The following KCNQ5 variants were observed in gnomAD, a reference collection of about 807,000 sequenced individuals.
The protein encoded by KCNQ5 is potassium voltage-gated channel subfamily KQT member 5.
KCNQ5 carries 30 observed loss-of-function variants against 98.2 expected under a neutral mutation model. The observed-to-expected ratio is 0.31, with a 90% CI of 0.23 to 0.41. KCNQ5 has a LOEUF of 0.41. KCNQ5 is among the 10% of genes least tolerant of loss of function. The pLI is 1.00. For synonymous variants in KCNQ5, 458 were observed against 449.4 expected, an observed-to-expected ratio of 1.02 and a Z score of -0.24; for missense variants, 835 against 1,182.5, an observed-to-expected ratio of 0.71 and a Z score of 4.31.
intron 1 of KCNQ5, among the ~76,000 whole-genome samples, chr6:72,675,034 T>G (rs1767338056): frequency 6.6e-6 from 1 of 152,224 alleles, no homozygotes; most frequent in African/African-American, 2.4e-5. Flanking sequence ...CACTTTAGAT[T>G]TTTCATTACG....
chr6:72,975,588 A>G (rs562754716), intron 1 of KCNQ5, among the ~76,000 whole-genome samples: 1 of 152,154 alleles, frequency 6.6e-6, no homozygotes, highest in Non-Finnish European at 1.5e-5. Context: ...TAGTAGTTTC[A>G]GAGTTTATGG....
intron 1 of KCNQ5, among the ~76,000 whole-genome samples, chr6:72,861,999 C>T (rs1170843232): frequency 6.6e-6 from 1 of 152,132 alleles, no homozygotes; most frequent in East Asian, 1.9e-4. Context: ...CATGACTTCC[C>T]GGCCCTACTA....
intron 10 of KCNQ5, chr6:73,157,868 C>G (rs1777430450): frequency 1.3e-6 from 1 of 778,924 alleles, no homozygotes; most frequent in Non-Finnish European, 2.4e-6. Flanking sequence ...TTTTCGGGAT[C>G]TAAGCGAATA....
intron 1 of KCNQ5, among the ~76,000 whole-genome samples, chr6:72,979,344 C>G (rs1408055916): frequency 6.6e-6 from 1 of 152,208 alleles, no homozygotes; most frequent in Non-Finnish European, 1.5e-5. Context: ...CTGTTCTTTC[C>G]TGACTTTTTA....
intron 1 of KCNQ5, among the ~76,000 whole-genome samples, chr6:72,638,470 G>A (rs1417601997): frequency 1.3e-5 from 2 of 152,124 alleles, no homozygotes; most frequent in Non-Finnish European, 2.9e-5. Context: ...TATAGATGGC[G>A]CTAAGTGAGG....
At chr6:72,980,221 C>G in intron 1 of KCNQ5, among the ~76,000 whole-genome samples, 1 of 152,204 alleles carries the variant, frequency 6.6e-6, no homozygotes, top group Non-Finnish European at 1.5e-5. Flanking sequence ...AAGAAAGTCA[C>G]TGGTAGCTTA....
At chr6:72,841,163 C>T (rs999396083) in intron 1 of KCNQ5, among the ~76,000 whole-genome samples, 3 of 152,150 alleles carry the variant, frequency 2.0e-5, no homozygotes, top group African/African-American at 7.2e-5. Flanking sequence ...TCATAGTCTC[C>T]CTTTCTAACC....
intron 1 of KCNQ5, among the ~76,000 whole-genome samples, chr6:72,821,825 C>G (rs972840145): frequency 6.6e-6 from 1 of 152,026 alleles, no homozygotes; most frequent in African/African-American, 2.4e-5. Flanking sequence ...GTCTTAGTGT[C>G]ATTGCCAAAG....
chr6:73,144,105 G>C (rs1261588145), intron 10 of KCNQ5, among the ~76,000 whole-genome samples: 1 of 152,058 alleles, frequency 6.6e-6, no homozygotes, highest in South Asian at 2.1e-4. Context: ...GGTAAAGAAG[G>C]GGGGAAACAA....
intron 1 of KCNQ5, among the ~76,000 whole-genome samples, chr6:72,815,221 C>T (rs1775448846): frequency 6.6e-6 from 1 of 152,258 alleles, no homozygotes; most frequent in Middle Eastern, 3.4e-3. Context: ...AACCTCAGAA[C>T]CTAACACACG....
intron 1 of KCNQ5, among the ~76,000 whole-genome samples, chr6:73,003,257 A>G (rs1769669388): frequency 6.6e-6 from 1 of 152,190 alleles, no homozygotes; most frequent in Non-Finnish European, 1.5e-5. Flanking sequence ...ATCCTTATAT[A>G]TGAATAGACA....
intron 1 of KCNQ5, among the ~76,000 whole-genome samples, chr6:72,643,265 A>G (rs995185128): frequency 1.3e-5 from 2 of 152,158 alleles, no homozygotes; most frequent in Non-Finnish European, 2.9e-5. Flanking sequence ...CTTAAAAGTT[A>G]TTTTAAAAAA....
intron 1 of KCNQ5, among the ~76,000 whole-genome samples, chr6:72,759,977 A>T (rs953090556): frequency 6.6e-6 from 1 of 152,130 alleles, no homozygotes; most frequent in Non-Finnish European, 1.5e-5. Context: ...TGCAAATGAG[A>T]CAACCCTTAC....
chr6:72,937,248 A>T (rs1765982564), intron 1 of KCNQ5, among the ~76,000 whole-genome samples: 2 of 152,164 alleles, frequency 1.3e-5, no homozygotes, highest in South Asian at 2.1e-4. Context: ...GGAAAGCAGG[A>T]CTTGCTCCTG....
chr6:73,090,116 AG>A (rs1774174534), intron 5 of KCNQ5, among the ~76,000 whole-genome samples: 3 of 61,772 alleles, frequency 4.9e-5, no homozygotes, highest in African/African-American at 8.4e-5. Context: ...TGCAGGACTA[AG>A]GTGGTATCAC....
intron 1 of KCNQ5, among the ~76,000 whole-genome samples, chr6:73,000,509 G>A (rs1206517075): frequency 5.9e-5 from 9 of 152,124 alleles, no homozygotes; most frequent in South Asian, 2.1e-4. Context: ...ATTTATAGCC[G>A]AGATTTAAAT....
intron 11 of KCNQ5, among the ~76,000 whole-genome samples, chr6:73,183,883 G>C (rs564758729): frequency 1.8e-4 from 27 of 152,224 alleles, no homozygotes; most frequent in African/African-American, 5.8e-4. Context: ...ACCTGGTCCT[G>C]CTTAGAGCAA....
At chr6:72,970,393 A>G (rs1475599240) in intron 1 of KCNQ5, among the ~76,000 whole-genome samples, 1 of 152,232 alleles carries the variant, frequency 6.6e-6, no homozygotes, top group South Asian at 2.1e-4. Flanking sequence ...TGATTGGCCA[A>G]TAGTTTGATT....
At chr6:73,055,469 C>A in intron 3 of KCNQ5, 2 of 1,550,798 alleles carry the variant, frequency 1.3e-6, no homozygotes, top group Non-Finnish European at 1.8e-6. Context: ...TCCGATGGAG[C>A]CCTACCATCC....
Sources: gnomAD v4.1 joint callset for allele counts (sites outside exome capture counted in the v4.1 genomes callset) on GRCh38, gnomAD v4.1.1 for gene constraint, MANE v1.5 for transcripts, NCBI Gene and HGNC (gene_info 2026-07-23, HGNC 2026-07-21) for gene names.